BDP1: variants seen among roughly 807,000 people sequenced by gnomAD.
The protein encoded by BDP1 is BDP1 general transcription factor IIIB subunit, also known as transcription factor TFIIIB component B'' homolog.
A neutral mutation model predicts 266.6 loss-of-function variants in BDP1; 169 were observed. The observed-to-expected ratio is 0.63, with a 90% confidence interval of 0.56 to 0.72. The LOEUF (loss-of-function observed/expected upper bound fraction) is 0.72. Ranked by LOEUF, BDP1 falls within the 30% of genes least tolerant of loss-of-function variation. The pLI is 0.00. For missense variants in BDP1, 3,015 were observed against 3,053.8 expected (o/e 0.99, Z 0.30); for synonymous variants, 1,090 against 1,022.4 (o/e 1.07, Z -1.26).
rs759352796 is a variant in BDP1, at chr5:71,470,359, TAATTTTC to T, written c.920-32_920-26del. 13 of 1,389,844 alleles carry T rather than the reference TAATTTTC, an allele frequency of 9.4e-6. No homozygotes were observed. In the East Asian group the frequency reaches 3.0e-4, roughly 32 times the overall value. The allele number at this position is 1,389,844 out of a possible 1,614,324, so 86.1% of individuals were successfully genotyped here. On this transcript the variant is annotated intron_variant, in intron 6 of 38. Transcript: ENST00000358731. ...CTTTTCTCTGAAATATTGATATAATTAATTTTCAATCATTCTAAATCTTTTATTTTCA... is the reference window on the plus strand; with the variant it reads ...CTTTTCTCTGAAATATTGATATAATTAATCATTCTAAATCTTTTATTTTCA...
Position 71,455,739 on chromosome 5 carries a change from A to G in BDP1, c.-139A>G, listed in dbSNP as rs914915854. ...GGAGGAGGCGGCGGCGGGGCAGTGA[A>G]ACTACGGTAGCTGCCCCCTGAGCTG... On this transcript the variant is annotated 5_prime_UTR_variant, in exon 1 of 39. Coordinates refer to ENST00000358731, the MANE Select transcript of BDP1 (RefSeq NM_018429.3). The G allele has an allele frequency of 1.1e-5, 8 of 724,712 alleles. No individual in the cohort carries two copies. In the African/African-American group the frequency reaches 1.3e-4, roughly 11 times the overall value. The allele number at this position is 724,712 out of a possible 1,614,324, so 44.9% of individuals were successfully genotyped here.
At position 71,510,659 on chromosome 5, in the gene BDP1, G is replaced by A; in HGVS notation, c.3567G>A (p.Val1189=). The change falls in exon 17 of 39, where the codon GTG becomes GTA. Residue 1189 remains valine (V), a synonymous_variant. Coordinates refer to ENST00000358731, the MANE Select transcript of BDP1 (RefSeq NM_018429.3). ...EGSSREKTRE[V]IDAAEVIETD... ...CCTCAAGGGAGAAGACACGAGAGGT[G>A]ATTGATGCTGCTGAGGTAATAGAGA... is the stretch of plus-strand genomic sequence containing the variant. The A allele has an allele frequency of 1.3e-6, 2 of 1,585,388 alleles. No homozygotes were observed. The highest frequency in any genetic ancestry group is 1.7e-6 in the Non-Finnish European group (2 of 1,162,366).
chr5:71,467,413 T>TA lies in BDP1; in HGVS notation c.846dup (p.Phe283IlefsTer2). Reference sequence around the variant, plus strand: ...TGTGTTGTTGAAGAAAATGACCCCATATTTGAGCGCGGTTCTACAACTACA... The same window carrying TA: ...TGTGTTGTTGAAGAAAATGACCCCATAATTTGAGCGCGGTTCTACAACTACA... On this transcript the variant is annotated frameshift_variant, in exon 6 of 39. Coordinates refer to ENST00000358731, the MANE Select transcript of BDP1 (RefSeq NM_018429.3). LOFTEE classifies it high-confidence loss of function. 1.2e-6 allele frequency: 2 copies of TA among 1,611,162 alleles called. No individual in the cohort carries two copies. The highest frequency in any genetic ancestry group is 1.7e-6 in the Non-Finnish European group (2 of 1,177,388).
At position 71,562,323 on chromosome 5, in the gene BDP1, A is replaced by G. The variant is rs1334951116; in HGVS notation, c.7546A>G (p.Ser2516Gly). Reference sequence around the variant, plus strand: ...TTTATCTTTAATATGCTCAAAGAATAGTTTGGAGTCTGATGAACCTATGCA... The same window carrying G: ...TTTATCTTTAATATGCTCAAAGAATGGTTTGGAGTCTGATGAACCTATGCA... ...GFLSLICSKN[S>G]LESDEPMQVH... Residue 2516 changes from serine (S) to glycine (G), a missense_variant, in exon 38 of 39, where the codon AGT (serine) becomes GGT (glycine). By Grantham distance (56) the Ser-to-Gly change is moderately conservative. This residue lies in a region of BDP1 where 629 missense variants were observed against 632.5 expected (regional missense o/e 0.99). Transcript: ENST00000358731. 1 of 1,612,234 alleles carries G rather than the reference A, an allele frequency of 6.2e-7. No homozygotes were observed. The highest frequency in any genetic ancestry group is 8.5e-7 in the Non-Finnish European group (1 of 1,179,036).
At chr5:71,472,505 C>T (rs929608160) in intron 7 of BDP1, among the ~76,000 whole-genome samples, 3 of 152,084 alleles carry the variant, frequency 2.0e-5, no homozygotes, top group Admixed American at 2.0e-4. Flanking sequence ...AATTACATTA[C>T]CTTGATTTTC....
chr5:71,508,464 T>C, intron 16 of BDP1, among the ~76,000 whole-genome samples: 1 of 99,178 alleles, frequency 1.0e-5, no homozygotes, highest in East Asian at 3.5e-4. Flanking sequence ...GCCACCTCAC[T>C]TGACTAATTT....
intron 35 of BDP1, among the ~76,000 whole-genome samples, chr5:71,554,823 G>A (rs1410239406): frequency 1.3e-5 from 2 of 152,050 alleles, no homozygotes; most frequent in Non-Finnish European, 2.9e-5. Context: ...GCTTAGGACC[G>A]GAAGTGTTTC....
rs779519522 is a variant in BDP1, at chr5:71,516,112, A to G, written c.4701A>G (p.Gln1567=). 17 of 1,612,020 alleles carry G rather than the reference A, an allele frequency of 1.1e-5. No homozygotes were observed. In the South Asian group the frequency reaches 1.9e-4, roughly 18 times the overall value. ...AAGAAATGAAGGAAAGTGTTATCCAAACTGCTCGACAAGTAAGGGGCCGAC... is the reference window on the plus strand; with the variant it reads ...AAGAAATGAAGGAAAGTGTTATCCAGACTGCTCGACAAGTAAGGGGCCGAC... ...FQQEMKESVI[Q]TARQVRGRLQ... Residue 1567 remains glutamine, a synonymous_variant, in exon 21 of 39, where the codon CAA becomes CAG. Coordinates refer to ENST00000358731, the MANE Select transcript of BDP1 (RefSeq NM_018429.3).
At chr5:71,474,456 G>A (rs991239220) in intron 7 of BDP1, among the ~76,000 whole-genome samples, 2 of 151,824 alleles carry the variant, frequency 1.3e-5, no homozygotes, top group Admixed American at 6.6e-5. Flanking sequence ...CAAGAAGTTG[G>A]GACTATAGGT....
At position 71,557,272 on chromosome 5, in the gene BDP1, A is replaced by G. The variant is rs796608731; in HGVS notation, c.7240+347A>G. Among the ~76,000 whole-genome samples, 69 of 152,054 alleles carry G rather than the reference A, an allele frequency of 4.5e-4. 1 individual carries two copies. Among genetic ancestry groups the G allele is most frequent in the African/African-American group, 1.6e-3 (68 of 41,464 alleles). On this transcript the variant is annotated intron_variant, in intron 36 of 38. Transcript: ENST00000358731. The stretch of plus-strand genomic sequence containing the variant: ...TACCTAGGCTGGAGTGCAGTGGCAC[A>G]ATCACAGCTCACTGCAGCCTCCACC...
chr5:71,472,353 C>T (rs531086327), intron 7 of BDP1, among the ~76,000 whole-genome samples: 58 of 152,078 alleles, frequency 3.8e-4, no homozygotes, highest in Non-Finnish European at 7.8e-4. Flanking sequence ...CCCAGCTACT[C>T]GGGAGGCTGA....
intron 13 of BDP1, among the ~76,000 whole-genome samples, chr5:71,501,096 CAA>C (rs56336806): frequency 1.6e-3 from 212 of 135,764 alleles, no homozygotes; most frequent in Middle Eastern, 3.9e-3. Flanking sequence ...GACCCTGTCT[CAA>C]AAAAAAAAAA....
At chr5:71,495,111 G>A (rs1207431553) in intron 11 of BDP1, 139 bp from the exon 12 acceptor site, 2 of 452,274 alleles carry the variant, frequency 4.4e-6, no homozygotes, top group East Asian at 3.4e-5. Flanking sequence ...AAAAGCTAAT[G>A]TAGCAGTTTG....
At chr5:71,498,334 G>T (rs531511947) in intron 13 of BDP1, among the ~76,000 whole-genome samples, 2 of 152,162 alleles carry the variant, frequency 1.3e-5, no homozygotes, top group South Asian at 4.2e-4. Context: ...GGCCTCAAGT[G>T]ATTCTCCTGC....
At chr5:71,530,034 A>G (rs1408790005) in intron 25 of BDP1, among the ~76,000 whole-genome samples, 1 of 152,248 alleles carries the variant, frequency 6.6e-6, no homozygotes, top group African/African-American at 2.4e-5. Flanking sequence ...ATTGAATTGT[A>G]CACCTTAAGT....
chr5:71,551,891 C>T (rs1420646126), intron 34 of BDP1, among the ~76,000 whole-genome samples: 3 of 147,722 alleles, frequency 2.0e-5, no homozygotes, highest in Non-Finnish European at 4.5e-5. Context: ...GGGCAGCTGG[C>T]CAGGCGGGGG....
chr5:71,562,381 T>C lies in BDP1; in HGVS notation c.7604T>C (p.Ile2535Thr), dbSNP rs200671133. 38 of 1,613,820 alleles carry C rather than the reference T, an allele frequency of 2.4e-5. No individual in the cohort carries two copies. Among genetic ancestry groups the C allele is most frequent in the Non-Finnish European group, 5.1e-6 (6 of 1,179,946 alleles). The change falls in exon 38 of 39, where the codon ATA (isoleucine) becomes ACA (threonine). Residue 2535 changes from isoleucine to threonine, a missense_variant. Ile to Thr is a moderately conservative substitution (Grantham distance 89, BLOSUM62 -1). Around this residue, in one of 3 missense-constraint regions of BDP1, gnomAD observed 629 missense variants for 632.5 expected, o/e 0.99. Transcript: ENST00000358731. ...AGTAAGAAACGCCTAAAACCTCTTA[T>C]ACCTGGATTAAGAAAGAAATTGAAA... ...VHSKKRLKPL[I>T]PGLRKKLKRS...
rs778191448 is a variant in BDP1, at chr5:71,560,210, C to T, written c.7469C>T (p.Thr2490Ile). 1 of 1,614,100 alleles carries T rather than the reference C, an allele frequency of 6.2e-7. No individual in the cohort carries two copies. Among genetic ancestry groups the T allele is most frequent in the South Asian group, 1.1e-5 (1 of 91,060 alleles). Residue 2490 changes from threonine to isoleucine, a missense_variant, in exon 37 of 39, where the codon ACA becomes ATA. By Grantham distance (89) the Thr-to-Ile change is moderately conservative. Transcript: ENST00000358731. ...APKSQQMDSR[T>I]SSSKASLSRP... ...AAGTCTCAGCAAATGGATAGCAGAA[C>T]ATCGTCTTCTAAAGCCTCACTATCC...
chr5:71,491,235 C>T lies in BDP1; in HGVS notation c.1640+104C>T, dbSNP rs999461271. On this transcript the variant is annotated intron_variant, in intron 11 of 38. Coordinates refer to ENST00000358731, the MANE Select transcript of BDP1 (RefSeq NM_018429.3). ...TGTGGATTTGCCTGTTTCTTTTTTT[C>T]AGTTCTATTTGTTTTTGCTCCATAT... 104 of 1,085,434 alleles carry T rather than the reference C, an allele frequency of 9.6e-5. 1 individual carries two copies. The South Asian group carries it at 1.5e-3, about 16-fold the overall frequency. The allele number at this position is 1,085,434 out of a possible 1,614,324, so 67.2% of individuals were successfully genotyped here.
Sources: gnomAD v4.1 joint callset for allele counts (sites outside exome capture counted in the v4.1 genomes callset) on GRCh38, gnomAD v4.1.1 for gene constraint, gnomAD v4.1.1 regional missense constraint, MANE v1.5 for transcripts, NCBI Gene and HGNC (gene_info 2026-07-23, HGNC 2026-07-21) for gene names.